The following TRDN variants were observed in gnomAD, a reference collection of about 807,000 sequenced individuals.
The protein encoded by TRDN is triadin in skeletal muscle.
In TRDN, 161 loss-of-function variants were observed where a neutral mutation model predicts 149.7. The ratio of observed to expected loss-of-function variants is 1.08; its 90% confidence interval spans 0.95 to 1.23. The LOEUF (loss-of-function observed/expected upper bound fraction) is 1.23, where lower values mean the gene tolerates loss of function less well. TRDN is among the 50% of genes most tolerant of loss of function. TRDN has a pLI of 0.00. For synonymous variants in TRDN, 294 were observed against 250.5 expected (o/e 1.17, Z -1.64); for missense variants, 896 against 823.5 (o/e 1.09, Z -1.08).
At chr6:123,499,765 G>T (rs1778619669) in intron 8 of TRDN, among the ~76,000 whole-genome samples, 5 of 129,286 alleles carry the variant, frequency 3.9e-5, no homozygotes, top group Non-Finnish European at 8.1e-5. Context: ...CCATGGTTGG[G>T]TCTGTACTGA....
At chr6:123,363,473 T>C (rs1289843048) in intron 20 of TRDN, among the ~76,000 whole-genome samples, 1 of 152,220 alleles carries the variant, frequency 6.6e-6, no homozygotes, top group Non-Finnish European at 1.5e-5. Context: ...GACACTTATT[T>C]CTGTTCGTGC....
intron 9 of TRDN, among the ~76,000 whole-genome samples, chr6:123,466,400 C>A (rs367679681): frequency 6.6e-6 from 1 of 152,076 alleles, no homozygotes; most frequent in East Asian, 1.9e-4. Flanking sequence ...ATATTAGTCT[C>A]ATTTTATAGT....
At chr6:123,389,418 CT>C (rs1782025549) in intron 13 of TRDN, 1 of 152,178 alleles carries the variant, frequency 6.6e-6, no homozygotes, top group Admixed American at 6.6e-5. Context: ...TTAGAAAACA[CT>C]TAGAAACAAC....
chr6:123,570,311 G>A (rs1428526811), intron 2 of TRDN, among the ~76,000 whole-genome samples: 1 of 152,130 alleles, frequency 6.6e-6, no homozygotes, highest in Non-Finnish European at 1.5e-5. Context: ...AGTCAATAGA[G>A]GGTGTCATAT....
At chr6:123,625,878 G>C (rs1372044401) in intron 1 of TRDN, among the ~76,000 whole-genome samples, 1 of 152,176 alleles carries the variant, frequency 6.6e-6, no homozygotes, top group African/African-American at 2.4e-5. Flanking sequence ...GGTGATGGTT[G>C]CTAAAGGTTG....
At chr6:123,598,925 T>C (rs1267715188) in intron 1 of TRDN, among the ~76,000 whole-genome samples, 1 of 152,084 alleles carries the variant, frequency 6.6e-6, no homozygotes, top group East Asian at 1.9e-4. Flanking sequence ...GAGAGGCATA[T>C]GGCACAGGAA....
intron 12 of TRDN, among the ~76,000 whole-genome samples, chr6:123,424,980 G>A (rs1774055210): frequency 1.3e-5 from 2 of 152,056 alleles, no homozygotes; most frequent in Admixed American, 1.3e-4. Flanking sequence ...TCATATTGTT[G>A]TTACACTATG....
chr6:123,316,522 G>A (rs777205726), intron 23 of TRDN, 27 bp from the exon 24 acceptor site: 16 of 1,602,520 alleles, frequency 1.0e-5, no homozygotes, highest in Admixed American at 8.5e-5. Context: ...ACATAAACAC[G>A]TACAAACAAA....
In TRDN at chr6:123,249,856, A is replaced by G. The variant is rs150510048; in HGVS notation, c.1975+2556T>C. Among the ~76,000 whole-genome samples, 39 of 152,264 alleles carry G rather than the reference A, an allele frequency of 2.6e-4. 1 individual carries two copies. Among genetic ancestry groups the G allele is most frequent in the African/African-American group, 8.4e-4 (35 of 41,578 alleles). On this transcript the variant is annotated intron_variant, in intron 38 of 40. Coordinates refer to ENST00000334268, the MANE Select transcript of TRDN (RefSeq NM_006073.4). ...TAAATAGAATGTCCCAGCCAGAACAATGAAACAGGATAAAGAAATAAAAGG... is the reference window on the plus strand; with the variant it reads ...TAAATAGAATGTCCCAGCCAGAACAGTGAAACAGGATAAAGAAATAAAAGG...
intron 2 of TRDN, among the ~76,000 whole-genome samples, chr6:123,564,743 G>A (rs1782193474): frequency 6.6e-6 from 1 of 152,136 alleles, no homozygotes; most frequent in African/African-American, 2.4e-5. Flanking sequence ...TCAAATTCAA[G>A]TTACATTTAA....
intron 38 of TRDN, among the ~76,000 whole-genome samples, chr6:123,234,913 G>A (rs544271486): frequency 6.6e-6 from 1 of 152,234 alleles, no homozygotes; most frequent in East Asian, 1.9e-4. Context: ...AAATGGGGGT[G>A]TAGAGGCTAG....
At chr6:123,291,662 A>C (rs1331138437) in intron 24 of TRDN, among the ~76,000 whole-genome samples, 1 of 152,254 alleles carries the variant, frequency 6.6e-6, no homozygotes, top group East Asian at 1.9e-4. Flanking sequence ...TGGGGAATTT[A>C]TAAAGGGAAC....
chr6:123,622,361 A>G (rs1301532738), intron 1 of TRDN, among the ~76,000 whole-genome samples: 1 of 151,874 alleles, frequency 6.6e-6, no homozygotes, highest in African/African-American at 2.4e-5. Context: ...ACACGCACAC[A>G]CATATAACAT....
chr6:123,471,330 A>G (rs1268126087), intron 9 of TRDN: 1 of 152,238 alleles, frequency 6.6e-6, no homozygotes, highest in African/African-American at 2.4e-5. Flanking sequence ...TCATTTGCTT[A>G]GTCTTTATTG....
chr6:123,273,145 T>TA (rs1290444001), intron 28 of TRDN, 134 bp from the exon 29 acceptor site: 1 of 754,352 alleles, frequency 1.3e-6, no homozygotes, highest in African/African-American at 1.9e-5. Context: ...ATGTAAAACT[T>TA]AAAGGTTTTA....
chr6:123,314,776 A>G (rs1778963854), intron 24 of TRDN, among the ~76,000 whole-genome samples: 1 of 152,038 alleles, frequency 6.6e-6, no homozygotes, highest in Admixed American at 6.6e-5. Context: ...CTCACTTGTA[A>G]GCGGGAGCTA....
intron 4 of TRDN, among the ~76,000 whole-genome samples, chr6:123,540,456 ATCAAG>A (rs1780771182): frequency 6.6e-6 from 1 of 152,110 alleles, no homozygotes. Flanking sequence ...AAAAAACTAT[ATCAAG>A]TCATTTCAGA....
chr6:123,635,974 T>C (rs1786290663), intron 1 of TRDN, among the ~76,000 whole-genome samples: 1 of 151,974 alleles, frequency 6.6e-6, no homozygotes, highest in African/African-American at 2.4e-5. Flanking sequence ...TGTATTATAG[T>C]ATGTAGCTTT....
intron 4 of TRDN, among the ~76,000 whole-genome samples, chr6:123,535,863 T>C (rs942875931): frequency 2.0e-5 from 3 of 152,182 alleles, no homozygotes; most frequent in Admixed American, 2.0e-4. Flanking sequence ...ATAATTAAAA[T>C]ATCATGCATT....
Sources: gnomAD v4.1 joint callset for allele counts (sites outside exome capture counted in the v4.1 genomes callset) on GRCh38, gnomAD v4.1.1 for gene constraint, MANE v1.5 for transcripts, NCBI Gene and HGNC (gene_info 2026-07-23, HGNC 2026-07-21) for gene names.